The following STK36 variants were observed in gnomAD, a reference collection of about 807,000 sequenced individuals.
STK36 encodes serine/threonine-protein kinase 36.
A neutral mutation model predicts 142.2 loss-of-function variants in STK36; 116 were observed. That is an observed-to-expected ratio of 0.82 (90% CI 0.70 to 0.95). The LOEUF (loss-of-function observed/expected upper bound fraction) is 0.95, where lower values mean the gene tolerates loss of function less well. STK36 is among the 40% of genes least tolerant of loss of function. STK36 has a pLI of 0.00. For synonymous variants in STK36, 619 were observed against 641.7 expected (o/e 0.96, Z 0.53); for missense variants, 1,422 against 1,617.2 (o/e 0.88, Z 2.07).
At chr2:218,680,441 C>T (rs1940464843) in intron 9 of STK36, among the ~76,000 whole-genome samples, 162 bp from the exon 10 acceptor site, 1 of 152,166 alleles carries the variant, frequency 6.6e-6, no homozygotes, top group South Asian at 2.1e-4. Flanking sequence ...GTCAACATAT[C>T]CTGTACTGGT....
chr2:218,699,188 C>G lies in STK36; in HGVS notation c.3644C>G (p.Ala1215Gly), dbSNP rs1360631642. ...QAGIRRNVAS[A>G]LGNLGPEGLG... ...GGTATCCGGCGCAATGTTGCATCAG[C>G]TCTGGGCAACTTGGGACCTGAAGGT... is the stretch of plus-strand genomic sequence containing the variant. Residue 1215 changes from alanine (A) to glycine (G), a missense_variant, in exon 26 of 27, where the codon GCT (alanine) becomes GGT (glycine). By Grantham distance (60) the Ala-to-Gly change is moderately conservative. Coordinates refer to ENST00000295709, the MANE Select transcript of STK36 (RefSeq NM_015690.5). The G allele has an allele frequency of 6.2e-7, 1 of 1,613,998 alleles. No homozygotes were observed.
At chr2:218,701,775 C>A in intron 26 of STK36, 91 bp from the exon 27 acceptor site, 1 of 1,472,852 alleles carries the variant, frequency 6.8e-7, no homozygotes, top group Non-Finnish European at 9.2e-7. Context: ...AGTGGGAATT[C>A]CTGGGTAAAT....
chr2:218,698,806 A>G lies in STK36; in HGVS notation c.3262A>G (p.Thr1088Ala). 1.2e-6 allele frequency: 2 copies of G among 1,613,964 alleles called. No homozygotes were observed. The highest frequency in any genetic ancestry group is 1.7e-6 in the Non-Finnish European group (2 of 1,179,990). The change falls in exon 26 of 27, where the codon ACT (threonine) becomes GCT (alanine). Residue 1088 changes from threonine to alanine, a missense_variant. By Grantham distance (58) the Thr-to-Ala change is moderately conservative. Around this residue, in one of 2 missense-constraint regions of STK36, gnomAD observed 962 missense variants for 1,167.5 expected, o/e 0.82. Transcript: ENST00000295709. ...CGACCTTCTCTCTCTGCTGGCCCAT[A>G]CTGCCAGGGTCCTGTCTCCCAGCCA... Reference protein sequence around the residue: ...TSDLLSLLAHTARVLSPSHLS... With the variant: ...TSDLLSLLAHAARVLSPSHLS...
chr2:218,692,447 A>G (rs963323602), intron 15 of STK36, 136 bp from the exon 16 acceptor site: 1 of 1,491,550 alleles, frequency 6.7e-7, no homozygotes, highest in Non-Finnish European at 9.0e-7. Context: ...ATCTGAGGGA[A>G]ACAAACAGAC....
chr2:218,697,413 A>G, intron 23 of STK36, 50 bp from the exon 24 acceptor site: 1 of 1,602,136 alleles, frequency 6.2e-7, no homozygotes, highest in Non-Finnish European at 8.5e-7. Context: ...AAGCAGGGGT[A>G]TCTGGGCGTC....
intron 9 of STK36, among the ~76,000 whole-genome samples, chr2:218,680,376 T>A (rs1388265035): frequency 1.3e-5 from 2 of 152,188 alleles, no homozygotes; most frequent in African/African-American, 4.8e-5. Context: ...AGGTGAAAAC[T>A]GCAAAGTAGA....
rs1941335634 is a variant in STK36, at chr2:218,698,844, C to G, written c.3300C>G (p.Ile1100Met). The change falls in exon 26 of 27, where the codon ATC becomes ATG. Residue 1100 changes from isoleucine (I) to methionine (M), a missense_variant. Transcript: ENST00000295709. ...RVLSPSHLSFIQELLAGSDES... is the reference protein window; with the variant it reads ...RVLSPSHLSFMQELLAGSDES... Reference sequence around the variant, plus strand: ...TGTCTCCCAGCCACTTGTCCTTTATCCAAGAGCTTCTGGCTGGCTCTGATG... The same window carrying G: ...TGTCTCCCAGCCACTTGTCCTTTATGCAAGAGCTTCTGGCTGGCTCTGATG... 6.2e-7 allele frequency: 1 copy of G among 1,614,220 alleles called. No individual in the cohort carries two copies. Among genetic ancestry groups the G allele is most frequent in the Non-Finnish European group, 8.5e-7 (1 of 1,180,034 alleles).
In STK36 at chr2:218,699,291, G is replaced by A. The variant is rs148113887; in HGVS notation, c.3747G>A (p.Val1249=). 3.8e-4 allele frequency: 614 copies of A among 1,614,102 alleles called. No individual in the cohort carries two copies. Among genetic ancestry groups the A allele is most frequent in the Middle Eastern group, 4.9e-4 (3 of 6,062 alleles). The change falls in exon 26 of 27, where the codon GTG becomes GTA. Residue 1249 remains valine, a synonymous_variant. Coordinates refer to ENST00000295709, the MANE Select transcript of STK36 (RefSeq NM_015690.5). Reference sequence around the variant, plus strand: ...CATGTGGAGACCCCCAGCCAAATGTGAAGGAGGCTGCCCTCATTGCCCTCC... The same window carrying A: ...CATGTGGAGACCCCCAGCCAAATGTAAAGGAGGCTGCCCTCATTGCCCTCC... The part of the protein sequence containing the change: ...EMACGDPQPN[V]KEAALIALRS...
Position 218,676,224 on chromosome 2 carries a change from C to T in STK36, c.630C>T (p.Ser210=). The change falls in exon 6 of 27, where the codon AGC becomes AGT. Residue 210 remains serine (S), a synonymous_variant. Coordinates refer to ENST00000295709, the MANE Select transcript of STK36 (RefSeq NM_015690.5). ...FYATSIFQLV[S]LILKDPVRWP... is the part of the protein sequence containing the mutation. ...CTACAAGCATCTTTCAGCTGGTCAGCCTCATTCTCAAGGACCCTGTGCGCT... is the reference window on the plus strand; with the variant it reads ...CTACAAGCATCTTTCAGCTGGTCAGTCTCATTCTCAAGGACCCTGTGCGCT... 1 of 1,614,200 alleles carries T rather than the reference C, an allele frequency of 6.2e-7. No homozygotes were observed. Among genetic ancestry groups the T allele is most frequent in the Non-Finnish European group, 8.5e-7 (1 of 1,180,040 alleles).
In STK36 at chr2:218,692,196, A is replaced by T. The variant is rs1325063848; in HGVS notation, c.1818A>T (p.Lys606Asn). The T allele has an allele frequency of 6.2e-7, 1 of 1,614,132 alleles. No homozygotes were observed. The highest frequency in any genetic ancestry group is 2.2e-5 in the East Asian group (1 of 44,884). ...AMDGNSRAIS[K>N]AFYSSLLTTQ... is the part of the protein sequence containing the mutation. ...ATGGGAACAGCCGGGCCATCTCCAA[A>T]GCCTTTTACTCCAGCTTGCTGACGA... Residue 606 changes from lysine to asparagine, a missense_variant, in exon 15 of 27, where the codon AAA becomes AAT. Coordinates refer to ENST00000295709, the MANE Select transcript of STK36 (RefSeq NM_015690.5).
At chr2:218,701,780 G>T in intron 26 of STK36, 86 bp from the exon 27 acceptor site, 1 of 1,496,842 alleles carries the variant, frequency 6.7e-7, no homozygotes, top group Non-Finnish European at 9.0e-7. Flanking sequence ...GAATTCCTGG[G>T]TAAATGAGAG....
chr2:218,672,542 C>T, intron 1 of STK36, 199 bp from the exon 2 acceptor site: 2 of 391,684 alleles, frequency 5.1e-6, no homozygotes, highest in South Asian at 2.6e-5. Context: ...AGAAGGGGAA[C>T]CAGGTGTTAG....
chr2:218,685,136 G>C lies in STK36; in HGVS notation c.1288G>C (p.Val430Leu). 1 of 1,614,184 alleles carries C rather than the reference G, an allele frequency of 6.2e-7. No homozygotes were observed. Among genetic ancestry groups the C allele is most frequent in the Non-Finnish European group, 8.5e-7 (1 of 1,180,030 alleles). Residue 430 changes from valine to leucine, a missense_variant, in exon 11 of 27, where the codon GTG becomes CTG. This residue lies in a region of STK36 where 962 missense variants were observed against 1,167.5 expected (regional missense o/e 0.82). Transcript: ENST00000295709. ...GCACCTGCTAGAGACCACTGAGCCT[G>C]TGCCTATTCAACTGAAGGCTCCTCT... ...WQHLLETTEP[V>L]PIQLKAPLTL...
At chr2:218,679,867 T>G (rs1940432688) in intron 8 of STK36, 26 bp from the exon 9 acceptor site, 1 of 1,609,326 alleles carries the variant, frequency 6.2e-7, no homozygotes, top group Admixed American at 1.7e-5. Flanking sequence ...TAGCTCTGAT[T>G]CAGTGTTGCC....
intron 6 of STK36, among the ~76,000 whole-genome samples, chr2:218,676,497 T>A (rs1306192092): frequency 1.3e-5 from 2 of 151,958 alleles, no homozygotes; most frequent in Non-Finnish European, 2.9e-5. Context: ...CCATAGCCTG[T>A]ACAGGAAGGA....
chr2:218,691,801 A>C (rs1399296459), intron 14 of STK36, among the ~76,000 whole-genome samples: 1 of 152,064 alleles, frequency 6.6e-6, no homozygotes, highest in Admixed American at 6.6e-5. Context: ...CAAGTGATCC[A>C]CCTGCCTCGG....
chr2:218,684,881 G>T, intron 10 of STK36: 1 of 515,762 alleles, frequency 1.9e-6, no homozygotes, highest in Admixed American at 3.2e-5. Flanking sequence ...ACACATGCCG[G>T]TGTTCTCCAA....
intron 9 of STK36, 111 bp from the exon 10 acceptor site, chr2:218,680,492 C>A: frequency 1.2e-6 from 1 of 865,920 alleles, no homozygotes; most frequent in Non-Finnish European, 1.8e-6. Flanking sequence ...CTAGTCAATC[C>A]TATATGGCTT....
chr2:218,680,170 C>T (rs1023415142), intron 9 of STK36, 90 bp downstream of exon 9: 3 of 1,230,340 alleles, frequency 2.4e-6, no homozygotes, highest in Admixed American at 2.0e-5. Context: ...GTCCCTGTCA[C>T]TAGCCACTGC....
Sources: allele counts gnomAD v4.1 joint callset (sites outside exome capture counted in the v4.1 genomes callset), GRCh38; gene constraint gnomAD v4.1.1; regional missense constraint gnomAD v4.1.1; transcripts MANE v1.5; gene names NCBI Gene and HGNC (gene_info 2026-07-23, HGNC 2026-07-21).